Variants in PRIM2 observed in about 807,000 individuals in gnomAD.
The protein encoded by PRIM2 is DNA primase large subunit.
In PRIM2, 39 loss-of-function variants were observed where a neutral mutation model predicts 67.3. The ratio of observed to expected loss-of-function variants is 0.58; its 90% CI spans 0.45 to 0.76. The LOEUF is 0.76. Among genes scored for constraint, PRIM2 ranks in the 30% least tolerant of loss-of-function variants. The pLI, the probability that PRIM2 is intolerant of heterozygous loss-of-function variation, is 0.00. For missense variants in PRIM2, 398 were observed against 598.7 expected (o/e 0.66, Z 3.50); for synonymous variants, 143 against 198.7 (o/e 0.72, Z 2.36).
At chr6:57,355,115 A>G (rs914387808) in intron 5 of PRIM2, among the ~76,000 whole-genome samples, 6 of 152,292 alleles carry the variant, frequency 3.9e-5, no homozygotes, top group African/African-American at 1.4e-4. Context: ...ACCAGCCTTA[A>G]CAGCATGGTG....
chr6:57,643,687 A>C (rs1371135171), intron 13 of PRIM2, among the ~76,000 whole-genome samples: 1 of 152,258 alleles, frequency 6.6e-6, no homozygotes, highest in Non-Finnish European at 1.5e-5. Context: ...GTAATAAAAA[A>C]GTTCACAAAT....
chr6:57,262,280 C>A, the PRIM2 span, among the ~76,000 whole-genome samples: 1 of 152,298 alleles, frequency 6.6e-6, no homozygotes, highest in East Asian at 1.9e-4. Flanking sequence ...TATTAGAAAT[C>A]CGTGCCTGAC....
At chr6:57,563,191 C>CTT (rs1349989404) in intron 10 of PRIM2, among the ~76,000 whole-genome samples, 32 of 152,094 alleles carry the variant, frequency 2.1e-4, no homozygotes, top group Non-Finnish European at 3.4e-4. Context: ...TGGGAATAGC[C>CTT]TTTTGATGGA....
intron 10 of PRIM2, among the ~76,000 whole-genome samples, chr6:57,597,333 TA>T (rs1776384858): frequency 6.6e-6 from 1 of 151,114 alleles, no homozygotes; most frequent in Non-Finnish European, 1.5e-5. Flanking sequence ...GGGGACATTT[TA>T]AGAAGATGAC....
intron 10 of PRIM2, among the ~76,000 whole-genome samples, chr6:57,592,555 G>T (rs1222542208): frequency 6.6e-6 from 1 of 152,170 alleles, no homozygotes; most frequent in African/African-American, 2.4e-5. Flanking sequence ...AGCACTTTGG[G>T]AGGCTGAGGT....
At chr6:57,545,284 GATAC>G (rs1195233129) in intron 10 of PRIM2, among the ~76,000 whole-genome samples, 2 of 151,882 alleles carry the variant, frequency 1.3e-5, no homozygotes, top group Admixed American at 6.6e-5. Context: ...TATATACATA[GATAC>G]ATACATATGT....
At chr6:57,605,130 C>T (rs1246290794) in intron 11 of PRIM2, among the ~76,000 whole-genome samples, 1 of 152,188 alleles carries the variant, frequency 6.6e-6, no homozygotes, top group Non-Finnish European at 1.5e-5. Flanking sequence ...CCTATTTGAT[C>T]ATGGTGAATT....
intron 7 of PRIM2, among the ~76,000 whole-genome samples, chr6:57,412,979 C>T (rs1397919250): frequency 6.6e-6 from 1 of 152,134 alleles, no homozygotes; most frequent in Non-Finnish European, 1.5e-5. Context: ...ACTAACACTT[C>T]ATAAGCTTAA....
chr6:57,272,463 G>C, the PRIM2 span, among the ~76,000 whole-genome samples: 2 of 151,652 alleles, frequency 1.3e-5, no homozygotes. Flanking sequence ...GCCTTTTTTT[G>C]TTTTCCATTT....
At chr6:57,326,326 A>AT (rs1767853157) in intron 5 of PRIM2, 1 of 249,534 alleles carries the variant, frequency 4.0e-6, no homozygotes, top group East Asian at 8.0e-5. Context: ...TTTAACCAAA[A>AT]TTTTGTCGGC....
At chr6:57,352,234 G>A (rs1768879990) in intron 5 of PRIM2, among the ~76,000 whole-genome samples, 1 of 152,098 alleles carries the variant, frequency 6.6e-6, no homozygotes, top group African/African-American at 2.4e-5. Flanking sequence ...TTATTTAAAA[G>A]TGTTCACTTT....
At chr6:57,376,085 T>C (rs1320545201) in intron 5 of PRIM2, among the ~76,000 whole-genome samples, 1 of 152,184 alleles carries the variant, frequency 6.6e-6, no homozygotes, top group African/African-American at 2.4e-5. Context: ...AATAATTAGC[T>C]GGGCATGGTG....
intron 5 of PRIM2, among the ~76,000 whole-genome samples, chr6:57,336,003 GA>G (rs1218818720): frequency 6.6e-6 from 1 of 151,860 alleles, no homozygotes; most frequent in East Asian, 1.9e-4. Flanking sequence ...CCAATACAGA[GA>G]AGTGCTTAAA....
intron 10 of PRIM2, among the ~76,000 whole-genome samples, chr6:57,562,099 G>A (rs2127478443): frequency 6.6e-6 from 1 of 152,190 alleles, no homozygotes; most frequent in African/African-American, 2.4e-5. Flanking sequence ...TGTCTTAGGT[G>A]GGTGTGTTTG....
At chr6:57,232,146 C>T in the PRIM2 span, among the ~76,000 whole-genome samples, 4 of 152,018 alleles carry the variant, frequency 2.6e-5, no homozygotes, top group Admixed American at 6.6e-5. Context: ...AAACAAGTTC[C>T]GCAAAACAAA....
chr6:57,429,191 C>A (rs539280861), intron 7 of PRIM2, among the ~76,000 whole-genome samples: 1 of 152,144 alleles, frequency 6.6e-6, no homozygotes, highest in Non-Finnish European at 1.5e-5. Flanking sequence ...AGGTTTTGCC[C>A]TATGGGAGGG....
chr6:57,474,662 T>G (rs1399056789), intron 7 of PRIM2, among the ~76,000 whole-genome samples: 1 of 152,152 alleles, frequency 6.6e-6, no homozygotes, highest in Non-Finnish European at 1.5e-5. Flanking sequence ...TGTTTGAATG[T>G]GGCCTCTCCC....
chr6:57,376,431 C>CT (rs1207888490), intron 5 of PRIM2, among the ~76,000 whole-genome samples: 66 of 152,270 alleles, frequency 4.3e-4, no homozygotes, highest in Admixed American at 9.2e-4. Flanking sequence ...TTTTTTGGCT[C>CT]TTTGAGTTTT....
chr6:57,250,627 A>G, the PRIM2 span, among the ~76,000 whole-genome samples: 56 of 152,330 alleles, frequency 3.7e-4, no homozygotes, highest in South Asian at 2.7e-3. Flanking sequence ...TAGCCGTATG[A>G]AAACAAGGAG....
Sources: allele counts gnomAD v4.1 joint callset (sites outside exome capture counted in the v4.1 genomes callset), GRCh38; gene constraint gnomAD v4.1.1; transcripts MANE v1.5; gene names NCBI Gene and HGNC (gene_info 2026-07-23, HGNC 2026-07-21).